The following CNTN4 variants were observed in gnomAD, a reference collection of about 807,000 sequenced individuals.
CNTN4 encodes contactin 4, also known as contactin-4.
CNTN4 carries 77 observed loss-of-function variants against 122.5 expected under a neutral mutation model. The observed-to-expected ratio is 0.63, with a 90% CI of 0.52 to 0.76. The LOEUF is 0.76. Ranked by LOEUF, CNTN4 falls within the 30% of genes least tolerant of loss-of-function variation. The pLI is 0.00. For synonymous variants in CNTN4, 512 were observed against 447.0 expected, an observed-to-expected ratio of 1.15 and a Z score of -1.83; for missense variants, 1,256 against 1,259.1, an observed-to-expected ratio of 1.00 and a Z score of 0.04.
intron 3 of CNTN4, among the ~76,000 whole-genome samples, chr3:2,378,526 C>T (rs1173237741): frequency 6.6e-6 from 1 of 152,142 alleles, no homozygotes; most frequent in Non-Finnish European, 1.5e-5. Flanking sequence ...ATCTCTGCTA[C>T]TCTCATTCAT....
chr3:2,877,237 C>T (rs1003406672), intron 8 of CNTN4, among the ~76,000 whole-genome samples: 2 of 152,246 alleles, frequency 1.3e-5, no homozygotes, highest in African/African-American at 2.4e-5. Context: ...ACAGTGTGCC[C>T]CCATTTGTGG....
intron 2 of CNTN4, among the ~76,000 whole-genome samples, chr3:2,254,805 A>T (rs976489372): frequency 6.6e-6 from 1 of 152,062 alleles, no homozygotes; most frequent in African/African-American, 2.4e-5. Flanking sequence ...CAGATGGTGG[A>T]TTACAAAAAT....
chr3:2,349,346 T>C (rs1284701828), intron 3 of CNTN4, among the ~76,000 whole-genome samples: 2 of 152,142 alleles, frequency 1.3e-5, no homozygotes, highest in African/African-American at 4.8e-5. Flanking sequence ...CTAAGACACA[T>C]AGTAGCTCTT....
intron 3 of CNTN4, among the ~76,000 whole-genome samples, chr3:2,563,155 C>T (rs1203029444): frequency 1.3e-5 from 2 of 152,038 alleles, no homozygotes; most frequent in South Asian, 2.1e-4. Context: ...ACATTCCCAC[C>T]AAAGGTTTAT....
At chr3:2,613,315 A>G (rs145898295) in intron 4 of CNTN4, among the ~76,000 whole-genome samples, 43 of 152,194 alleles carry the variant, frequency 2.8e-4, no homozygotes, top group African/African-American at 9.4e-4. Flanking sequence ...AGCCAAACCA[A>G]TTCCTGGCAA....
intron 2 of CNTN4, among the ~76,000 whole-genome samples, chr3:2,213,874 C>G (rs775555914): frequency 3.9e-5 from 6 of 152,116 alleles, no homozygotes; most frequent in Non-Finnish European, 8.8e-5. Context: ...TTTAAAATGA[C>G]AGAAGTTGGA....
At chr3:2,821,129 A>C (rs111995987) in intron 7 of CNTN4, among the ~76,000 whole-genome samples, 5 of 151,568 alleles carry the variant, frequency 3.3e-5, no homozygotes, top group African/African-American at 1.2e-4. Context: ...GCCAATTTTT[A>C]TATTTTTAGT....
At chr3:2,805,995 G>A (rs1022217417) in intron 6 of CNTN4, among the ~76,000 whole-genome samples, 21 of 151,866 alleles carry the variant, frequency 1.4e-4, no homozygotes, top group African/African-American at 5.1e-4. Flanking sequence ...TCCATCTCCC[G>A]GGTTCACGCC....
chr3:2,284,065 A>C (rs1237573602), intron 2 of CNTN4, among the ~76,000 whole-genome samples: 1 of 152,048 alleles, frequency 6.6e-6, no homozygotes, highest in East Asian at 1.9e-4. Flanking sequence ...TAGCAGAGGG[A>C]AAAAGGAAAG....
chr3:2,618,291 G>A (rs1335786708), intron 4 of CNTN4, among the ~76,000 whole-genome samples: 12 of 152,034 alleles, frequency 7.9e-5, no homozygotes, highest in Admixed American at 6.6e-4. Context: ...AATAATATAT[G>A]TATATGTGTG....
chr3:2,351,056 A>G (rs1223775641), intron 3 of CNTN4, among the ~76,000 whole-genome samples: 1 of 152,192 alleles, frequency 6.6e-6, no homozygotes, highest in African/African-American at 2.4e-5. Context: ...TATTTGTAAA[A>G]GTTCCTATAT....
At chr3:2,375,551 G>A (rs949715797) in intron 3 of CNTN4, among the ~76,000 whole-genome samples, 2 of 152,104 alleles carry the variant, frequency 1.3e-5, no homozygotes, top group Non-Finnish European at 2.9e-5. Context: ...GCTTTCTCTG[G>A]CAATGGAGGA....
chr3:2,254,898 C>T (rs2040517343), intron 2 of CNTN4, among the ~76,000 whole-genome samples: 1 of 152,138 alleles, frequency 6.6e-6, no homozygotes, highest in Admixed American at 6.6e-5. Context: ...AATTAGATCC[C>T]ATTTGTCCAT....
chr3:2,716,943 A>T (rs2087531972), intron 4 of CNTN4, among the ~76,000 whole-genome samples: 1 of 152,166 alleles, frequency 6.6e-6, no homozygotes. Context: ...CTCTATTGTC[A>T]CATGTATCCT....
At chr3:2,392,845 G>C (rs575919511) in intron 3 of CNTN4, among the ~76,000 whole-genome samples, 15 of 152,130 alleles carry the variant, frequency 9.9e-5, no homozygotes, top group African/African-American at 3.6e-4. Flanking sequence ...AAACTGGGTG[G>C]CTTCAACAAT....
At chr3:2,940,015 G>A (rs1228966225) in intron 13 of CNTN4, among the ~76,000 whole-genome samples, 1 of 152,164 alleles carries the variant, frequency 6.6e-6, no homozygotes, top group Non-Finnish European at 1.5e-5. Flanking sequence ...CACTAGCTGT[G>A]GGCATATGCA....
chr3:2,485,945 A>G (rs1404800098), intron 3 of CNTN4, among the ~76,000 whole-genome samples: 1 of 152,124 alleles, frequency 6.6e-6, no homozygotes, highest in Non-Finnish European at 1.5e-5. Flanking sequence ...AGCAGTGGCA[A>G]CCCGCGCAGG....
chr3:2,926,063 T>C (rs1156538099), intron 13 of CNTN4, among the ~76,000 whole-genome samples: 1 of 152,238 alleles, frequency 6.6e-6, no homozygotes, highest in Non-Finnish European at 1.5e-5. Flanking sequence ...TCCTCCTTAA[T>C]TTAAGCCTGA....
intron 2 of CNTN4, among the ~76,000 whole-genome samples, chr3:2,210,327 G>A (rs2038557942): frequency 6.6e-6 from 1 of 152,112 alleles, no homozygotes; most frequent in South Asian, 2.1e-4. Flanking sequence ...TATTATTGTA[G>A]GAGAATAGAC....
Sources: gnomAD v4.1 joint callset for allele counts (sites outside exome capture counted in the v4.1 genomes callset) on GRCh38, gnomAD v4.1.1 for gene constraint, MANE v1.5 for transcripts, NCBI Gene and HGNC (gene_info 2026-07-23, HGNC 2026-07-21) for gene names.